The following ACYP2 variants were observed in gnomAD, a reference collection of about 807,000 sequenced individuals.
ACYP2 encodes the protein acylphosphatase 2.
In ACYP2, 12 loss-of-function variants were observed where a neutral mutation model predicts 11.2. The observed-to-expected ratio is 1.08, with a 90% CI of 0.69 to 1.74. The LOEUF (loss-of-function observed/expected upper bound fraction) is 1.74, where lower values mean the gene tolerates loss of function less well. Ranked by LOEUF, ACYP2 falls within the 40% of genes most tolerant of loss-of-function variation. The pLI is 0.00. For missense variants in ACYP2, 134 were observed against 101.9 expected, an observed-to-expected ratio of 1.31 and a Z score of -1.35; for synonymous variants, 43 against 32.2, an observed-to-expected ratio of 1.33 and a Z score of -1.13.
intron 2 of ACYP2, among the ~76,000 whole-genome samples, chr2:53,997,249 C>A (rs1429399861): frequency 6.6e-6 from 1 of 152,172 alleles, no homozygotes; most frequent in East Asian, 1.9e-4. Context: ...ATTGACCCTT[C>A]CTCAGAAGTA....
chr2:54,028,512 C>A (rs886662707), intron 2 of ACYP2, among the ~76,000 whole-genome samples: 6 of 152,128 alleles, frequency 3.9e-5, no homozygotes, highest in South Asian at 2.1e-4. Context: ...AAAGTCCAGA[C>A]CCACCAAAGA....
intron 6 of ACYP2, among the ~76,000 whole-genome samples, chr2:54,281,025 T>G (rs1167321105): frequency 6.6e-6 from 1 of 152,152 alleles, no homozygotes; most frequent in Non-Finnish European, 1.5e-5. Flanking sequence ...GCTAGGTCTT[T>G]TCACTTATAA....
intron 6 of ACYP2, among the ~76,000 whole-genome samples, chr2:54,152,876 C>T (rs777109584): frequency 6.6e-6 from 1 of 152,094 alleles, no homozygotes; most frequent in Non-Finnish European, 1.5e-5. Flanking sequence ...GTTGCCCAGG[C>T]TGGTCTCAAA....
At chr2:54,228,441 G>T (rs1686096995) in intron 6 of ACYP2, among the ~76,000 whole-genome samples, 1 of 152,150 alleles carries the variant, frequency 6.6e-6, no homozygotes, top group South Asian at 2.1e-4. Flanking sequence ...AAGAAATCAA[G>T]GTATACAGTA....
At chr2:54,047,884 T>C (rs1428761963) in intron 2 of ACYP2, among the ~76,000 whole-genome samples, 1 of 152,190 alleles carries the variant, frequency 6.6e-6, no homozygotes, top group Non-Finnish European at 1.5e-5. Flanking sequence ...AGTTGAGTCA[T>C]GGTTCTAGAA....
intron 2 of ACYP2, among the ~76,000 whole-genome samples, chr2:54,046,973 T>C (rs1258927104): frequency 2.0e-5 from 3 of 152,186 alleles, no homozygotes; most frequent in Non-Finnish European, 4.4e-5. Context: ...GGGACCATGA[T>C]AGTGTCTACC....
Position 54,293,528 on chromosome 2 carries a change from A to G in ACYP2, c.405-11160A>G, listed in dbSNP as rs191306334. Reference sequence around the variant, plus strand: ...GAGAAGCACCTCTGCCAAGACCAAGAGGTCTCACTGGTGGAGATGCACTAG... The same window carrying G: ...GAGAAGCACCTCTGCCAAGACCAAGGGGTCTCACTGGTGGAGATGCACTAG... On this transcript the variant is annotated intron_variant, in intron 6 of 6. Transcript: ENST00000607452. Among the ~76,000 whole-genome samples the G allele has an allele frequency of 1.1e-4, 16 of 152,368 alleles. No homozygotes were observed. The East Asian group carries it at 3.1e-3, about 29-fold the overall frequency.
At chr2:54,235,435 G>A (rs557569994) in intron 6 of ACYP2, among the ~76,000 whole-genome samples, 451 of 152,158 alleles carry the variant, frequency 3.0e-3, no homozygotes, top group Admixed American at 6.2e-3. Flanking sequence ...TGCAAGCTCC[G>A]CCTCCCGGGT....
chr2:54,074,625 T>A (rs1677232694), intron 4 of ACYP2, among the ~76,000 whole-genome samples: 2 of 150,570 alleles, frequency 1.3e-5, no homozygotes, highest in African/African-American at 4.9e-5. Context: ...TGTGTGTAAC[T>A]GTATTAGACA....
Position 54,065,022 on chromosome 2 carries a change from T to C in ACYP2, c.277+7662T>C, listed in dbSNP as rs527489211. Among the ~76,000 whole-genome samples the C allele has an allele frequency of 3.3e-5, 5 of 151,716 alleles. No homozygotes were observed. In the South Asian group the frequency reaches 1.0e-3, roughly 31 times the overall value. On this transcript the variant is annotated intron_variant, in intron 4 of 6. Coordinates refer to ENST00000607452, the MANE Select transcript of ACYP2 (RefSeq NM_001320586.2). ...TTGCTTGAACCCAGGAGGCGAAGTT[T>C]GCACTGAGCCGAGATCATGCCACTG...
rs187126672 is a variant in ACYP2 at position 54,259,728 on chromosome 2, A to G, written c.405-44960A>G. 1.6e-3 allele frequency among the ~76,000 whole-genome samples: 247 copies of G among 152,240 alleles called. 1 individual carries two copies. The highest frequency in any genetic ancestry group is 6.8e-3 in the Middle Eastern group (2 of 294). On this transcript the variant is annotated intron_variant, in intron 6 of 6. Coordinates refer to ENST00000607452, the MANE Select transcript of ACYP2 (RefSeq NM_001320586.2). ...TTGAATATTGACAATTCTTTTGAGG[A>G]ATTTTTCTCCAAAAAGAAACAAAGA...
chr2:54,048,111 T>A (rs1039690342), intron 2 of ACYP2, among the ~76,000 whole-genome samples: 12 of 152,162 alleles, frequency 7.9e-5, no homozygotes, highest in African/African-American at 2.2e-4. Flanking sequence ...TTTCCTAATT[T>A]TATATATATT....
intron 4 of ACYP2, among the ~76,000 whole-genome samples, chr2:54,072,610 T>C (rs1419458807): frequency 6.6e-6 from 1 of 150,590 alleles, no homozygotes; most frequent in Non-Finnish European, 1.5e-5. Context: ...TTGCCCAGGC[T>C]GGAGTGCAGT....
chr2:54,280,141 C>T (rs983178141), intron 6 of ACYP2, among the ~76,000 whole-genome samples: 1 of 152,076 alleles, frequency 6.6e-6, no homozygotes, highest in African/African-American at 2.4e-5. Flanking sequence ...AGGAATGGCC[C>T]AAAGCCTCCA....
intron 2 of ACYP2, among the ~76,000 whole-genome samples, chr2:53,979,616 ACT>A (rs1671655633): frequency 1.3e-5 from 2 of 148,882 alleles, no homozygotes; most frequent in East Asian, 2.0e-4. Context: ...ACAGAGTGAG[ACT>A]CTGTCTCAAA....
chr2:54,123,481 A>C, intron 4 of ACYP2: 1 of 398,524 alleles, frequency 2.5e-6, no homozygotes, highest in East Asian at 3.6e-5. Context: ...AACAAAATTG[A>C]GATATAATTT....
intron 6 of ACYP2, chr2:54,254,774 G>A (rs1687411580): frequency 1.3e-6 from 1 of 760,670 alleles, no homozygotes; most frequent in Non-Finnish European, 2.1e-6. Flanking sequence ...TCAATCTTCA[G>A]GTTGAGAGAA....
At chr2:54,142,177 T>C (rs1681647067) in intron 6 of ACYP2, 1 of 341,716 alleles carries the variant, frequency 2.9e-6, no homozygotes, top group African/African-American at 2.1e-5. Context: ...TTGAGAACAG[T>C]TTTATATTTA....
chr2:54,005,671 T>A (rs1288686663), intron 2 of ACYP2, among the ~76,000 whole-genome samples: 6 of 152,202 alleles, frequency 3.9e-5, no homozygotes, highest in Non-Finnish European at 8.8e-5. Flanking sequence ...TCTGTTCCAT[T>A]GACCAAGATC....
Sources: allele counts gnomAD v4.1 joint callset (sites outside exome capture counted in the v4.1 genomes callset), GRCh38; gene constraint gnomAD v4.1.1; transcripts MANE v1.5; gene names NCBI Gene and HGNC (gene_info 2026-07-23, HGNC 2026-07-21).